The following KCNN4 variants were observed in gnomAD, a reference collection of about 807,000 sequenced individuals.
KCNN4 encodes intermediate conductance calcium-activated potassium channel protein 4.
KCNN4 carries 31 observed loss-of-function variants against 45.2 expected under a neutral mutation model. The ratio of observed to expected loss-of-function variants is 0.69; its 90% CI spans 0.52 to 0.92. The LOEUF (loss-of-function observed/expected upper bound fraction) is 0.92, where lower values mean the gene tolerates loss of function less well. Among genes scored for constraint, KCNN4 ranks in the 40% least tolerant of loss-of-function variants. KCNN4 has a pLI of 0.00. For missense variants in KCNN4, 463 were observed against 574.0 expected (o/e 0.81, Z 1.98); for synonymous variants, 231 against 254.6 (o/e 0.91, Z 0.88).
chr19:43,780,045 G>A (rs1969925611), intron 1 of KCNN4, among the ~76,000 whole-genome samples: 1 of 151,980 alleles, frequency 6.6e-6, no homozygotes, highest in African/African-American at 2.4e-5. Flanking sequence ...TTAGAGGTTA[G>A]ACAAGGACCA....
Position 43,780,959 on chromosome 19 carries a change from T to G in KCNN4, c.-98A>C. The stretch of plus-strand genomic sequence containing the variant: ...CACTGTGGCTTGCAGGTCGTCAGCC[T>G]GCTCTGCTGGCTCTGGGACTTTTGC... On this transcript the variant is annotated 5_prime_UTR_variant, in exon 1 of 9. Transcript: ENST00000648319. 1 of 1,237,510 alleles carries G rather than the reference T, an allele frequency of 8.1e-7. No individual in the cohort carries two copies. Among genetic ancestry groups the G allele is most frequent in the Non-Finnish European group, 1.2e-6 (1 of 867,880 alleles). 76.7% of individuals were successfully genotyped at this position (1,237,510 alleles called of 1,614,324 possible). A position where few individuals can be genotyped will look rare whatever the true frequency, so the allele number is the denominator to read the frequency against.
intron 7 of KCNN4, 26 bp downstream of exon 7, chr19:43,768,937 G>A (rs770387163): frequency 6.2e-7 from 1 of 1,612,992 alleles, no homozygotes; most frequent in East Asian, 2.2e-5. Flanking sequence ...CCTTCTTCAA[G>A]ACCTCCTCCC....
rs753261610 is a variant in KCNN4 at position 43,769,867 on chromosome 19, C to T, written c.820-38G>A. 1.4e-6 allele frequency: 2 copies of T among 1,462,366 alleles called. No individual in the cohort carries two copies. Among genetic ancestry groups the T allele is most frequent in the South Asian group, 2.3e-5 (2 of 85,726 alleles). 90.6% of individuals were successfully genotyped at this position (1,462,366 alleles called of 1,614,324 possible). ...CAGGCACCGTGGCATGAGGCTGTGC[C>T]ACCGACTCCCTCCTTGAACCCGCCC... On this transcript the variant is annotated intron_variant, in intron 4 of 8. Transcript: ENST00000648319. This position sits in a 1 kb window ranked among gnomAD's most constrained non-coding sequence, Gnocchi z 4.4.
chr19:43,775,672 G>A (rs754191855), intron 2 of KCNN4, among the ~76,000 whole-genome samples: 24 of 152,314 alleles, frequency 1.6e-4, no homozygotes, highest in Middle Eastern at 3.4e-3. Flanking sequence ...AGAGGGGGAA[G>A]AGGGGAAAGG....
chr19:43,774,517 C>G lies in KCNN4; in HGVS notation c.358G>C (p.Ala120Pro). 6.3e-7 allele frequency: 1 copy of G among 1,596,610 alleles called. No individual in the cohort carries two copies. Among genetic ancestry groups the G allele is most frequent in the Non-Finnish European group, 8.5e-7 (1 of 1,175,356 alleles). The change falls in exon 3 of 9, where the codon GCG (alanine) becomes CCG (proline). Residue 120 changes from alanine to proline, a missense_variant. By Grantham distance (27) the Ala-to-Pro change is conservative. Transcript: ENST00000648319. The surrounding 1 kb of genome is among the most constrained non-coding windows in gnomAD (Gnocchi z 5.6). ...ACGCACGGCGGGCCCCGCACGGGCG[C>G]CGGGTGCAGCCCACACACCACCAGC... ...LELVVCGLHP[A>P]PVRGPPCVQD...
Position 43,776,529 on chromosome 19 carries a change from G to T in KCNN4, c.255+12C>A. 3.1e-6 allele frequency: 5 copies of T among 1,589,902 alleles called. No homozygotes were observed. The highest frequency in any genetic ancestry group is 4.3e-6 in the Non-Finnish European group (5 of 1,158,874). On this transcript the variant is annotated intron_variant, in intron 2 of 8. Transcript: ENST00000648319. ...TGGAGGGAGCAAGGCTTAGGGGCGG[G>T]GCCTGCCCTACCTGGACCTCTTTGG... is the stretch of plus-strand genomic sequence containing the variant.
Position 43,776,573 on chromosome 19 carries a change from G to C in KCNN4, c.223C>G (p.Leu75Val). 6.2e-7 allele frequency: 1 copy of C among 1,613,904 alleles called. No homozygotes were observed. Among genetic ancestry groups the C allele is most frequent in the Non-Finnish European group, 8.5e-7 (1 of 1,179,896 alleles). The change falls in exon 2 of 9, where the codon CTC (leucine) becomes GTC (valine). Residue 75 changes from leucine to valine, a missense_variant. Leu to Val is a conservative substitution (Grantham distance 32). Transcript: ENST00000648319. ...TCTTTGGCATGAAAGGCCACGATGA[G>C]GCAGAGGAGTAAGAAGGTGGAAATG... is the stretch of plus-strand genomic sequence containing the variant. ...ISISTFLLLC[L>V]IVAFHAKEVQ...
intron 7 of KCNN4, among the ~76,000 whole-genome samples, chr19:43,768,248 C>T (rs555326596): frequency 6.3e-4 from 96 of 152,330 alleles, no homozygotes; most frequent in African/African-American, 2.2e-3. Context: ...ACCTGCCATG[C>T]GGTTTTGGGG....
chr19:43,766,863 A>G lies in KCNN4; in HGVS notation c.*230T>C, dbSNP rs1323929280. 6.5e-6 allele frequency: 1 copy of G among 153,030 alleles called. No homozygotes were observed. The highest frequency in any genetic ancestry group is 2.4e-5 in the African/African-American group (1 of 41,430). The allele number at this position is 153,030 out of a possible 1,614,324, so 9.5% of individuals were successfully genotyped here. A position where few individuals can be genotyped will look rare whatever the true frequency, so the allele number is the denominator to read the frequency against. ...GAGAGTGTTTTTGATGAGGGTATGC[A>G]GAGTGGGGGTGACCATGTTCCCACC... On this transcript the variant is annotated 3_prime_UTR_variant, in exon 9 of 9. Transcript: ENST00000648319.
intron 3 of KCNN4, among the ~76,000 whole-genome samples, chr19:43,773,162 T>TG (rs1380099904): frequency 3.9e-5 from 6 of 152,208 alleles, no homozygotes; most frequent in African/African-American, 9.7e-5. Flanking sequence ...TCAGGCATGG[T>TG]GGTGCACATC....
intron 1 of KCNN4, 158 bp from the exon 2 acceptor site, chr19:43,776,794 GAA>G: frequency 1.6e-6 from 1 of 619,930 alleles, no homozygotes; most frequent in Non-Finnish European, 2.9e-6. Context: ...CGGTTCTGGA[GAA>G]GTCTCAAAAC....
rs1969673344 is a variant in KCNN4, at chr19:43,772,605, T to C, written c.684-470A>G. Reference sequence around the variant, plus strand: ...GCCCTATCAGGACCAAAAAGGACTCTAAAAAGGCTTGGTGGGACTCGGCCT... The same window carrying C: ...GCCCTATCAGGACCAAAAAGGACTCCAAAAAGGCTTGGTGGGACTCGGCCT... On this transcript the variant is annotated intron_variant, in intron 3 of 8. Transcript: ENST00000648319. This position sits in a 1 kb window ranked among gnomAD's most constrained non-coding sequence, Gnocchi z 4.4. 6.6e-6 allele frequency among the ~76,000 whole-genome samples: 1 copy of C among 152,190 alleles called. No individual in the cohort carries two copies. The highest frequency in any genetic ancestry group is 2.4e-5 in the African/African-American group (1 of 41,442).
chr19:43,769,469 T>C lies in KCNN4; in HGVS notation c.1022A>G (p.Gln341Arg). The C allele has an allele frequency of 6.2e-7, 1 of 1,614,234 alleles. No individual in the cohort carries two copies. The highest frequency in any genetic ancestry group is 8.5e-7 in the Non-Finnish European group (1 of 1,180,030). Reference sequence around the variant, plus strand: ...GTTGATGGCGGCCAGCAGCTTGCGCTGATGCCTGCGGGCAGCATGAGACTC... The same window carrying C: ...GTTGATGGCGGCCAGCAGCTTGCGCCGATGCCTGCGGGCAGCATGAGACTC... ...RKESHAARRH[Q>R]RKLLAAINAF... The change falls in exon 6 of 9, where the codon CAG becomes CGG. Residue 341 changes from glutamine (Q) to arginine (R), a missense_variant. Physicochemically the swap from Gln to Arg is conservative, Grantham distance 43. Coordinates refer to ENST00000648319, the MANE Select transcript of KCNN4 (RefSeq NM_002250.3). The surrounding 1 kb of genome is among the most constrained non-coding windows in gnomAD (Gnocchi z 4.4).
Position 43,780,907 on chromosome 19 carries a change from C to T in KCNN4, c.-46G>A, listed in dbSNP as rs757029012. The T allele has an allele frequency of 1.9e-6, 3 of 1,600,770 alleles. No homozygotes were observed. In the Admixed American group the frequency reaches 5.0e-5, roughly 27 times the overall value. On this transcript the variant is annotated 5_prime_UTR_variant, in exon 1 of 9. Transcript: ENST00000648319. ...TCAGCCAGCTTCCTGCCCAGGGTCC[C>T]CCACCTCGCAGCACGCACAGGGCAG...
Position 43,769,592 on chromosome 19 carries a change from T to C in KCNN4, c.931-32A>G, listed in dbSNP as rs758800761. On this transcript the variant is annotated intron_variant, in intron 5 of 8. Coordinates refer to ENST00000648319, the MANE Select transcript of KCNN4 (RefSeq NM_002250.3). The surrounding 1 kb of genome is among the most constrained non-coding windows in gnomAD (Gnocchi z 4.4). ...GTGGGTGGCACAGTGTCCGTGGAGATAGACCCTTACGGTTCTGGGAAGGCA... is the reference window on the plus strand; with the variant it reads ...GTGGGTGGCACAGTGTCCGTGGAGACAGACCCTTACGGTTCTGGGAAGGCA... 3.7e-6 allele frequency: 6 copies of C among 1,601,092 alleles called. No homozygotes were observed. Among genetic ancestry groups the C allele is most frequent in the South Asian group, 1.1e-5 (1 of 90,818 alleles).
Position 43,769,510 on chromosome 19 carries a change from T to C in KCNN4, c.981A>G (p.Lys327=). The C allele has an allele frequency of 6.2e-7, 1 of 1,614,164 alleles. No homozygotes were observed. The highest frequency in any genetic ancestry group is 1.3e-5 in the African/African-American group (1 of 75,030). The change falls in exon 6 of 9, where the codon AAA becomes AAG. Residue 327 remains lysine (K), a synonymous_variant. Transcript: ENST00000648319. The surrounding 1 kb of genome is among the most constrained non-coding windows in gnomAD (Gnocchi z 4.4). Reference sequence around the variant, plus strand: ...CATGAGACTCCTTCCTGCGAGTATGTTTGTAGAACATCCAGGCTTCTTGTA... The same window carrying C: ...CATGAGACTCCTTCCTGCGAGTATGCTTGTAGAACATCCAGGCTTCTTGTA... The part of the protein sequence containing the change: ...RVLQEAWMFY[K]HTRRKESHAA...
chr19:43,780,766 C>G lies in KCNN4; in HGVS notation c.96G>C (p.Leu32=), dbSNP rs1200971953. 1 of 1,613,986 alleles carries G rather than the reference C, an allele frequency of 6.2e-7. No individual in the cohort carries two copies. The highest frequency in any genetic ancestry group is 2.2e-5 in the East Asian group (1 of 44,854). The part of the protein sequence containing the change: ...EKSLAGWALV[L]AGTGIGLMVL... ...CCATGAGTCCAATGCCAGTTCCTGCCAGCACCAGTGCCCAGCCGGCCAGAG... is the reference window on the plus strand; with the variant it reads ...CCATGAGTCCAATGCCAGTTCCTGCGAGCACCAGTGCCCAGCCGGCCAGAG... The change falls in exon 1 of 9, where the codon CTG becomes CTC. Residue 32 remains leucine, a synonymous_variant. Transcript: ENST00000648319.
intron 1 of KCNN4, among the ~76,000 whole-genome samples, chr19:43,778,793 C>G (rs996103913): frequency 1.3e-5 from 2 of 152,124 alleles, no homozygotes; most frequent in Non-Finnish European, 2.9e-5. Flanking sequence ...GGGTTTTGCA[C>G]CTGCCTCTCT....
rs200169896 is a variant in KCNN4, at chr19:43,780,712, C to G, written c.150G>C (p.Gly50=). Residue 50 remains glycine (G), a synonymous_variant, in exon 1 of 9, where the codon GGG becomes GGC. Coordinates refer to ENST00000648319, the MANE Select transcript of KCNN4 (RefSeq NM_002250.3). ...ACCATGCCCCACTCACCGAGCACCC[C>G]CCGAACCACAGCATCTCTGCATGCA... ...MVLHAEMLWF[G]GCSWALYLFL... is the part of the protein sequence containing the mutation. 1.2e-6 allele frequency: 2 copies of G among 1,613,338 alleles called. No individual in the cohort carries two copies. The highest frequency in any genetic ancestry group is 1.3e-5 in the African/African-American group (1 of 74,768).
Sources: allele counts gnomAD v4.1 joint callset (sites outside exome capture counted in the v4.1 genomes callset), GRCh38; gene constraint gnomAD v4.1.1; non-coding constraint Gnocchi (gnomAD v3.1); transcripts MANE v1.5; gene names NCBI Gene and HGNC (gene_info 2026-07-23, HGNC 2026-07-21).